MRPS27: variants seen among roughly 807,000 people sequenced by gnomAD.
The protein encoded by MRPS27 is small ribosomal subunit protein mS27.
A neutral mutation model predicts 48.9 loss-of-function variants in MRPS27; 43 were observed. The observed-to-expected ratio is 0.88, with a 90% CI of 0.69 to 1.13. The LOEUF (loss-of-function observed/expected upper bound fraction) is 1.13, where lower values mean the gene tolerates loss of function less well. Among genes scored for constraint, MRPS27 ranks in the 50% most tolerant of loss-of-function variants. MRPS27 has a pLI of 0.00. For synonymous variants in MRPS27, 188 were observed against 171.9 expected, an observed-to-expected ratio of 1.09 and a Z score of -0.73; for missense variants, 467 against 476.3, an observed-to-expected ratio of 0.98 and a Z score of 0.18.
intron 4 of MRPS27, among the ~76,000 whole-genome samples, chr5:72,276,813 C>T (rs1313376761): frequency 6.6e-6 from 1 of 151,946 alleles, no homozygotes; most frequent in Non-Finnish European, 1.5e-5. Context: ...GGGTGGATCA[C>T]GAGGTCAGGA....
chr5:72,226,699 G>GAA (rs58537193), intron 8 of MRPS27, among the ~76,000 whole-genome samples: 3 of 147,822 alleles, frequency 2.0e-5, no homozygotes, highest in Non-Finnish European at 3.0e-5. Flanking sequence ...CAATCCTTAT[G>GAA]AAAAAAAAAA....
At chr5:72,279,739 T>G (rs745725133) in intron 4 of MRPS27, among the ~76,000 whole-genome samples, 7 of 151,864 alleles carry the variant, frequency 4.6e-5, no homozygotes, top group Non-Finnish European at 8.8e-5. Flanking sequence ...ACAAAAAAAT[T>G]TATCAATCTT....
chr5:72,317,855 G>A (rs2112096858), intron 1 of MRPS27, among the ~76,000 whole-genome samples: 1 of 152,254 alleles, frequency 6.6e-6, no homozygotes, highest in South Asian at 2.1e-4. Flanking sequence ...TGAGAATGCA[G>A]AAGTCTCTTA....
intron 4 of MRPS27, among the ~76,000 whole-genome samples, chr5:72,284,033 C>T (rs1749600332): frequency 6.6e-6 from 1 of 151,932 alleles, no homozygotes; most frequent in African/African-American, 2.4e-5. Context: ...AAAAATTTAC[C>T]CTGTTATAAA....
chr5:72,317,316 C>T (rs1750590644), intron 1 of MRPS27, among the ~76,000 whole-genome samples: 1 of 152,140 alleles, frequency 6.6e-6, no homozygotes, highest in Admixed American at 6.5e-5. Context: ...ATAAGGTTTC[C>T]AAAGACGCTT....
intron 3 of MRPS27, 39 bp downstream of exon 3, chr5:72,297,593 C>A: frequency 1.5e-6 from 2 of 1,361,890 alleles, no homozygotes; most frequent in Non-Finnish European, 2.1e-6. Context: ...TGGCTTTCTT[C>A]CTTGTTCTTG....
intron 3 of MRPS27, among the ~76,000 whole-genome samples, chr5:72,296,427 T>C (rs1053257926): frequency 3.3e-5 from 5 of 152,210 alleles, no homozygotes; most frequent in Non-Finnish European, 7.3e-5. Flanking sequence ...GCTCTGATTG[T>C]TTGCTGTATG....
At chr5:72,287,144 A>G (rs570610328) in intron 4 of MRPS27, among the ~76,000 whole-genome samples, 2 of 152,188 alleles carry the variant, frequency 1.3e-5, no homozygotes, top group Admixed American at 1.3e-4. Context: ...CATGCTCCTT[A>G]TGAGAATCTA....
chr5:72,232,619 CTATT>C (rs1170887876), intron 6 of MRPS27, 61 bp from the exon 7 acceptor site: 1 of 1,159,384 alleles, frequency 8.6e-7, no homozygotes. Context: ...TACTAAATCT[CTATT>C]TAACTATAAA....
In MRPS27 at chr5:72,226,120, T is replaced by C. The variant is rs142124926; in HGVS notation, c.774A>G (p.Arg258=). The stretch of plus-strand genomic sequence containing the variant: ...CCACTTTCTCCATCACTTGAAGGGC[T>C]CTGTCAAGGTAGCCTGGTTTCCATA... ...PLIWKPGYLD[R]ALQVMEKVAA... Residue 258 remains arginine (R), a synonymous_variant, in exon 9 of 11, where the codon AGA becomes AGG. Coordinates refer to ENST00000261413, the MANE Select transcript of MRPS27 (RefSeq NM_015084.3). The C allele has an allele frequency of 5.0e-6, 8 of 1,613,850 alleles. No homozygotes were observed. In the African/African-American group the frequency reaches 9.3e-5, roughly 19 times the overall value.
rs1236649870 is a variant in MRPS27, at chr5:72,293,113, A to C, written c.281+2418T>G. Reference sequence around the variant, plus strand: ...AAACCCCAAGAGTTTATAACTTGTAATTTTTAATTTTGCTAAGGCATAAGT... The same window carrying C: ...AAACCCCAAGAGTTTATAACTTGTACTTTTTAATTTTGCTAAGGCATAAGT... On this transcript the variant is annotated intron_variant, in intron 4 of 10. Coordinates refer to ENST00000261413, the MANE Select transcript of MRPS27 (RefSeq NM_015084.3). 3.3e-5 allele frequency among the ~76,000 whole-genome samples: 5 copies of C among 152,304 alleles called. No individual in the cohort carries two copies. The East Asian group carries it at 9.6e-4, about 29-fold the overall frequency.
intron 4 of MRPS27, among the ~76,000 whole-genome samples, chr5:72,288,654 A>G (rs953809847): frequency 6.6e-6 from 1 of 152,216 alleles, no homozygotes; most frequent in African/African-American, 2.4e-5. Flanking sequence ...AGGATCAGCA[A>G]ATAAGAACTA....
chr5:72,247,279 C>G (rs925253169), intron 4 of MRPS27, among the ~76,000 whole-genome samples: 1 of 152,184 alleles, frequency 6.6e-6, no homozygotes, highest in African/African-American at 2.4e-5. Context: ...ACCAGACCCC[C>G]GGAACTCCTT....
chr5:72,244,310 T>C (rs1238621332), intron 4 of MRPS27, among the ~76,000 whole-genome samples: 2 of 152,138 alleles, frequency 1.3e-5, no homozygotes, highest in Admixed American at 6.5e-5. Flanking sequence ...GAAATGAAGA[T>C]AGATAACAGA....
intron 3 of MRPS27, among the ~76,000 whole-genome samples, 164 bp from the exon 4 acceptor site, chr5:72,295,753 G>C (rs1181082459): frequency 6.6e-6 from 1 of 152,164 alleles, no homozygotes; most frequent in African/African-American, 2.4e-5. Context: ...CTCCATCCTT[G>C]AAACCCCTTT....
rs550004836 is a variant in MRPS27, at chr5:72,268,382, C to T, written c.281+27149G>A. 3.2e-4 allele frequency among the ~76,000 whole-genome samples: 49 copies of T among 152,270 alleles called. No individual in the cohort carries two copies. In the South Asian group the frequency reaches 9.3e-3, roughly 29 times the overall value. ...TTTATCCTTATTTTTCTCTTTGCTA[C>T]ACAAATGTTTCTGAATAGGAAGTAA... On this transcript the variant is annotated intron_variant, in intron 4 of 10. Transcript: ENST00000261413.
chr5:72,287,850 G>C (rs1749715275), intron 4 of MRPS27, among the ~76,000 whole-genome samples: 1 of 152,182 alleles, frequency 6.6e-6, no homozygotes, highest in Admixed American at 6.5e-5. Flanking sequence ...CAATTTGGTA[G>C]TTTCTTAAAA....
chr5:72,312,029 G>A (rs1027844689), intron 2 of MRPS27, among the ~76,000 whole-genome samples: 13 of 152,166 alleles, frequency 8.5e-5, no homozygotes, highest in Admixed American at 6.5e-4. Flanking sequence ...CTACTCAGGA[G>A]GTGGAGGCAG....
At chr5:72,227,916 G>A in intron 8 of MRPS27, 1 of 317,976 alleles carries the variant, frequency 3.1e-6, no homozygotes, top group Non-Finnish European at 5.7e-6. Flanking sequence ...GATCTAAAGA[G>A]ACAGAAAGAT....
Sources: allele counts gnomAD v4.1 joint callset (sites outside exome capture counted in the v4.1 genomes callset), GRCh38; gene constraint gnomAD v4.1.1; transcripts MANE v1.5; gene names NCBI Gene and HGNC (gene_info 2026-07-23, HGNC 2026-07-21).